The following SLC4A1AP variants were observed in gnomAD, a reference collection of about 807,000 sequenced individuals.
SLC4A1AP encodes kanadaptin.
SLC4A1AP carries 64 observed loss-of-function variants against 89.7 expected under a neutral mutation model. The observed-to-expected ratio is 0.71, with a 90% CI of 0.58 to 0.88. The LOEUF (loss-of-function observed/expected upper bound fraction) is 0.88, where lower values mean the gene tolerates loss of function less well. Ranked by LOEUF, SLC4A1AP falls within the 40% of genes least tolerant of loss-of-function variation. The pLI, the probability that SLC4A1AP is intolerant of heterozygous loss-of-function variation, is 0.00. For missense variants in SLC4A1AP, 931 were observed against 965.0 expected, an observed-to-expected ratio of 0.96 and a Z score of 0.47; for synonymous variants, 366 against 353.3, an observed-to-expected ratio of 1.04 and a Z score of -0.40.
At chr2:27,694,967 A>C in exon 14 of SLC4A1AP, 2 of 282,904 alleles carry the variant, frequency 7.1e-6, no homozygotes, top group East Asian at 1.2e-4. Flanking sequence ...AAGAAGGCAA[A>C]AATGTTCCTA....
At chr2:27,693,458 T>TTCTTGTAGG (rs1675821862) in intron 12 of SLC4A1AP, 2 of 469,130 alleles carry the variant, frequency 4.3e-6, no homozygotes, top group South Asian at 8.4e-5. Flanking sequence ...CTTTTTGCAT[T>TTCTTGTAGG]TCTTGTAGGT....
intron 1 of SLC4A1AP, 35 bp from the exon 2 acceptor site, chr2:27,665,061 CTAAA>C (rs1438037330): frequency 4.5e-6 from 7 of 1,541,828 alleles, no homozygotes; most frequent in Non-Finnish European, 6.2e-6. Flanking sequence ...GACCCTGTCT[CTAAA>C]TAAATAAATA....
At chr2:27,676,923 G>A (rs1372525649) in intron 6 of SLC4A1AP, among the ~76,000 whole-genome samples, 1 of 151,536 alleles carries the variant, frequency 6.6e-6, no homozygotes, top group African/African-American at 2.4e-5. Context: ...GGCTGATCAT[G>A]AGGTCAGGAG....
chr2:27,684,991 T>C (rs1327887489), intron 9 of SLC4A1AP, 46 bp from the exon 10 acceptor site: 2 of 1,541,908 alleles, frequency 1.3e-6, no homozygotes, highest in East Asian at 2.3e-5. Context: ...TTTCTCTTGT[T>C]GTCATTAAGT....
intron 5 of SLC4A1AP, among the ~76,000 whole-genome samples, chr2:27,671,246 A>G (rs1396285122): frequency 1.3e-5 from 2 of 152,204 alleles, no homozygotes; most frequent in Non-Finnish European, 2.9e-5. Flanking sequence ...TTCTAAGAAC[A>G]AGAGTATGGT....
chr2:27,685,414 A>G (rs1323466307), intron 10 of SLC4A1AP, 137 bp downstream of exon 10: 2 of 1,177,328 alleles, frequency 1.7e-6, no homozygotes, highest in African/African-American at 1.6e-5. Context: ...GCAAGGAAAC[A>G]TACTTTCTTG....
chr2:27,670,821 A>G (rs573592711), intron 5 of SLC4A1AP, among the ~76,000 whole-genome samples: 28 of 151,948 alleles, frequency 1.8e-4, no homozygotes, highest in Middle Eastern at 3.4e-3. Context: ...AGATCGCGCC[A>G]CTGCACTGCA....
chr2:27,680,252 G>A (rs755962488), intron 8 of SLC4A1AP, among the ~76,000 whole-genome samples: 4 of 151,968 alleles, frequency 2.6e-5, no homozygotes, highest in Non-Finnish European at 5.9e-5. Context: ...GGGTGGCTGG[G>A]GGACAGCAAT....
chr2:27,685,698 T>G (rs892183874), intron 10 of SLC4A1AP, among the ~76,000 whole-genome samples: 1 of 152,208 alleles, frequency 6.6e-6, no homozygotes, highest in Middle Eastern at 3.2e-3. Context: ...ATTGTACTCA[T>G]TGGACTAAAG....
chr2:27,680,894 T>C (rs965072020), intron 8 of SLC4A1AP, among the ~76,000 whole-genome samples: 3 of 151,802 alleles, frequency 2.0e-5, no homozygotes, highest in Non-Finnish European at 4.4e-5. Context: ...GAGCCTCCTC[T>C]CCTGCTATCA....
At chr2:27,687,939 A>T in exon 11 of SLC4A1AP, 1 of 1,612,154 alleles carries the variant, frequency 6.2e-7, no homozygotes, top group Non-Finnish European at 8.5e-7. Context: ...TATAGAAAAC[A>T]TGTCTCAACT....
At position 27,666,226 on chromosome 2, in the gene SLC4A1AP, TGTC is replaced by T. The variant is rs761779389; in HGVS notation, c.1021+932_1021+934del. On this transcript the variant is annotated intron_variant, in intron 2 of 13. Transcript: ENST00000613058. ...GAAAATTTAAGATGACGCATACAGC[TGTC>T]ATTATATTTCTGTTGGACAGCACTG... Among the ~76,000 whole-genome samples, 14 of 152,346 alleles carry T rather than the reference TGTC, an allele frequency of 9.2e-5. No individual in the cohort carries two copies. In the East Asian group the frequency reaches 2.5e-3, roughly 27 times the overall value.
At chr2:27,694,370 G>A (rs1033852187) in intron 13 of SLC4A1AP, among the ~76,000 whole-genome samples, 5 of 152,072 alleles carry the variant, frequency 3.3e-5, no homozygotes, top group African/African-American at 1.2e-4. Flanking sequence ...TTCCTCATAT[G>A]TTCATCACAG....
intron 10 of SLC4A1AP, among the ~76,000 whole-genome samples, chr2:27,686,677 G>A (rs1675708982): frequency 6.6e-6 from 1 of 152,152 alleles, no homozygotes; most frequent in African/African-American, 2.4e-5. Flanking sequence ...GCTCTGAGCA[G>A]GCAGGAGAAT....
chr2:27,687,940 T>C (rs777780421), exon 11 of SLC4A1AP: 1 of 1,612,200 alleles, frequency 6.2e-7, no homozygotes, highest in Non-Finnish European at 8.5e-7. Flanking sequence ...ATAGAAAACA[T>C]GTCTCAACTT....
intron 3 of SLC4A1AP, 151 bp from the exon 4 acceptor site, chr2:27,668,692 A>G: frequency 4.0e-6 from 3 of 748,812 alleles, no homozygotes; most frequent in Non-Finnish European, 4.8e-6. Context: ...TCAAGCTGTC[A>G]TCCCGCCTCA....
chr2:27,679,372 C>T (rs980085671), intron 8 of SLC4A1AP, among the ~76,000 whole-genome samples: 8 of 152,062 alleles, frequency 5.3e-5, no homozygotes, highest in African/African-American at 1.9e-4. Context: ...GGAGGCTGAG[C>T]TGGGCGGATC....
chr2:27,684,950 G>A (rs75617903), intron 9 of SLC4A1AP, 87 bp from the exon 10 acceptor site: 18,336 of 1,441,178 alleles, frequency 0.013, 593 homozygotes, highest in African/African-American at 0.12. Context: ...TAAACATTCA[G>A]TACATTTAGA....
chr2:27,678,291 T>C (rs889723005), intron 8 of SLC4A1AP, among the ~76,000 whole-genome samples: 1 of 152,144 alleles, frequency 6.6e-6, no homozygotes, highest in Non-Finnish European at 1.5e-5. Flanking sequence ...ATACCTGTAA[T>C]CCTAGAACTT....
Sources: gnomAD v4.1 joint callset for allele counts (sites outside exome capture counted in the v4.1 genomes callset) on GRCh38, gnomAD v4.1.1 for gene constraint, MANE v1.5 for transcripts, NCBI Gene and HGNC (gene_info 2026-07-23, HGNC 2026-07-21) for gene names.